PTPRD: variants seen among roughly 807,000 people sequenced by gnomAD.
PTPRD encodes the protein protein tyrosine phosphatase receptor type D.
PTPRD carries 34 observed loss-of-function variants against 214.5 expected under a neutral mutation model. The observed-to-expected ratio is 0.16, with a 90% CI of 0.12 to 0.21. The LOEUF (loss-of-function observed/expected upper bound fraction) is 0.21, where lower values mean the gene tolerates loss of function less well. Ranked by LOEUF, PTPRD falls within the 10% of genes least tolerant of loss-of-function variation. The pLI, the probability that PTPRD is intolerant of heterozygous loss-of-function variation, is 1.00. For synonymous variants in PTPRD, 1,128 were observed against 845.7 expected (o/e 1.33, Z -5.79); for missense variants, 2,545 against 2,398.7 (o/e 1.06, Z -1.27).
At chr9:9,351,633 C>G (rs542892855) in intron 9 of PTPRD, among the ~76,000 whole-genome samples, 36 of 152,082 alleles carry the variant, frequency 2.4e-4, no homozygotes, top group African/African-American at 7.9e-4. Context: ...TGGAAAGATA[C>G]ACATGTTAGC....
chr9:10,463,256 G>C (rs542295038), intron 2 of PTPRD, among the ~76,000 whole-genome samples: 1 of 151,924 alleles, frequency 6.6e-6, no homozygotes, highest in Non-Finnish European at 1.5e-5. Flanking sequence ...CAATTTTAAC[G>C]AGCATTTATT....
intron 3 of PTPRD, among the ~76,000 whole-genome samples, chr9:10,176,947 G>T (rs1394273697): frequency 6.6e-6 from 1 of 151,872 alleles, no homozygotes; most frequent in Non-Finnish European, 1.5e-5. Flanking sequence ...CATATTTATT[G>T]CATGGTAGCT....
At chr9:9,781,154 C>G (rs1439354415) in intron 5 of PTPRD, among the ~76,000 whole-genome samples, 1 of 152,074 alleles carries the variant, frequency 6.6e-6, no homozygotes, top group Admixed American at 6.6e-5. Flanking sequence ...ACAAGAACAA[C>G]AGTGAGCCCA....
At chr9:9,032,900 C>T (rs2099610174) in intron 10 of PTPRD, among the ~76,000 whole-genome samples, 2 of 152,094 alleles carry the variant, frequency 1.3e-5, no homozygotes, top group African/African-American at 4.8e-5. Flanking sequence ...TCCAGCCGGC[C>T]TTCTTGTCCC....
At chr9:9,580,342 T>C (rs889015090) in intron 7 of PTPRD, among the ~76,000 whole-genome samples, 2 of 152,072 alleles carry the variant, frequency 1.3e-5, no homozygotes, top group African/African-American at 2.4e-5. Context: ...GTATAAGTCT[T>C]CCCTTTTCTT....
At chr9:10,525,834 T>C (rs1259243009) in intron 2 of PTPRD, among the ~76,000 whole-genome samples, 2 of 151,970 alleles carry the variant, frequency 1.3e-5, no homozygotes, top group Admixed American at 1.3e-4. Context: ...TTCCACTTTG[T>C]TTTTACATTT....
At chr9:9,733,472 G>A (rs1284978464) in intron 7 of PTPRD, among the ~76,000 whole-genome samples, 1 of 152,102 alleles carries the variant, frequency 6.6e-6, no homozygotes, top group Admixed American at 6.6e-5. Context: ...GTACTGTTTG[G>A]TGGGAAGTGT....
Position 9,688,055 on chromosome 9 carries a change from G to A in PTPRD, c.-287+46478C>T, listed in dbSNP as rs143865922. ...GCACTCTCTTTCCTTTCTTTCTCCTGCTGCCTTGTGAAGAAGTTGCCTGCT... is the reference window on the plus strand; with the variant it reads ...GCACTCTCTTTCCTTTCTTTCTCCTACTGCCTTGTGAAGAAGTTGCCTGCT... On this transcript the variant is annotated intron_variant, in intron 7 of 45. Coordinates refer to ENST00000381196, the MANE Select transcript of PTPRD (RefSeq NM_002839.4). Among the ~76,000 whole-genome samples the A allele has an allele frequency of 7.0e-3, 1,055 of 151,794 alleles. 14 individuals carry two copies. Among genetic ancestry groups the A allele is most frequent in the African/African-American group, 0.024 (1,002 of 41,472 alleles).
chr9:9,179,636 C>T (rs1263575998), intron 10 of PTPRD, among the ~76,000 whole-genome samples: 1 of 152,084 alleles, frequency 6.6e-6, no homozygotes, highest in Non-Finnish European at 1.5e-5. Flanking sequence ...AGCAAAAAGA[C>T]ATACACCCTC....
intron 2 of PTPRD, among the ~76,000 whole-genome samples, chr9:10,531,562 A>T (rs928131564): frequency 5.9e-5 from 9 of 152,220 alleles, no homozygotes; most frequent in Admixed American, 1.3e-4. Flanking sequence ...GCTTATATTC[A>T]TGAGTGTTGG....
At chr9:9,777,218 A>C (rs1185692993) in intron 5 of PTPRD, among the ~76,000 whole-genome samples, 1 of 152,146 alleles carries the variant, frequency 6.6e-6, no homozygotes, top group African/African-American at 2.4e-5. Context: ...TTTTAAAAAC[A>C]TTCTAAGTCC....
At chr9:9,435,684 T>C (rs1354743511) in intron 8 of PTPRD, among the ~76,000 whole-genome samples, 4 of 152,152 alleles carry the variant, frequency 2.6e-5, no homozygotes, top group South Asian at 2.1e-4. Context: ...CTATGAATTA[T>C]TGGAGATAAA....
At chr9:9,912,116 C>G (rs2079369401) in intron 5 of PTPRD, among the ~76,000 whole-genome samples, 1 of 151,862 alleles carries the variant, frequency 6.6e-6, no homozygotes, top group African/African-American at 2.4e-5. Context: ...TAAAATAAAA[C>G]CTTGATGGAA....
At chr9:8,478,100 G>T (rs2096802185) in intron 30 of PTPRD, among the ~76,000 whole-genome samples, 1 of 152,130 alleles carries the variant, frequency 6.6e-6, no homozygotes, top group African/African-American at 2.4e-5. Context: ...ATCTTGGCCA[G>T]GACACTTAGT....
intron 3 of PTPRD, among the ~76,000 whole-genome samples, chr9:10,237,170 A>T (rs997818757): frequency 6.6e-6 from 1 of 151,902 alleles, no homozygotes; most frequent in Admixed American, 6.6e-5. Flanking sequence ...GAGGCTATGC[A>T]TGGGTTGGTG....
chr9:10,418,030 A>G (rs1054303628), intron 2 of PTPRD, among the ~76,000 whole-genome samples: 1 of 151,870 alleles, frequency 6.6e-6, no homozygotes, highest in African/African-American at 2.4e-5. Flanking sequence ...GGAAGAAAAA[A>G]TGGGAAAGAA....
intron 3 of PTPRD, among the ~76,000 whole-genome samples, chr9:10,248,611 T>C (rs1040326789): frequency 1.3e-5 from 2 of 151,518 alleles, no homozygotes; most frequent in Non-Finnish European, 2.9e-5. Flanking sequence ...AATAAAAGTT[T>C]CCGTACCAGA....
chr9:10,146,427 A>C (rs1053955093), intron 3 of PTPRD, among the ~76,000 whole-genome samples: 30 of 152,238 alleles, frequency 2.0e-4, no homozygotes, highest in Admixed American at 8.5e-4. Context: ...ATAAACAAAT[A>C]TATAAAATAA....
At chr9:9,220,362 T>G (rs1325431778) in intron 9 of PTPRD, among the ~76,000 whole-genome samples, 1 of 151,580 alleles carries the variant, frequency 6.6e-6, no homozygotes, top group African/African-American at 2.4e-5. Flanking sequence ...AATGACAAGT[T>G]TTTTTGAGTT....
Sources: gnomAD v4.1 joint callset for allele counts (sites outside exome capture counted in the v4.1 genomes callset) on GRCh38, gnomAD v4.1.1 for gene constraint, MANE v1.5 for transcripts, NCBI Gene and HGNC (gene_info 2026-07-23, HGNC 2026-07-21) for gene names.